ULK4: variants seen among roughly 807,000 people sequenced by gnomAD.
ULK4 encodes the protein inactive serine/threonine-protein kinase ULK4.
In ULK4, 133 loss-of-function variants were observed where a neutral mutation model predicts 160.6. The observed-to-expected ratio is 0.83, with a 90% CI of 0.72 to 0.96. The LOEUF is 0.96. Ranked by LOEUF, ULK4 falls within the 40% of genes least tolerant of loss-of-function variation. The probability of loss-of-function intolerance (pLI) is 0.00; values close to 1 mark genes in which losing one functional copy is unlikely to be tolerated. For missense variants in ULK4, 1,580 were observed against 1,499.5 expected (o/e 1.05, Z -0.89); for synonymous variants, 534 against 539.8 (o/e 0.99, Z 0.15).
intron 35 of ULK4, among the ~76,000 whole-genome samples, chr3:41,253,226 G>A (rs1230084470): frequency 6.6e-6 from 1 of 151,972 alleles, no homozygotes; most frequent in East Asian, 1.9e-4. Flanking sequence ...TGAAGGAAGA[G>A]CAATAAAAAT....
intron 32 of ULK4, among the ~76,000 whole-genome samples, chr3:41,533,456 AC>A (rs2086391884): frequency 1.3e-5 from 2 of 152,254 alleles, no homozygotes; most frequent in Admixed American, 6.5e-5. Context: ...CAATTTAATA[AC>A]TAAATTTTAT....
At chr3:41,288,654 T>G (rs1039678915) in intron 35 of ULK4, among the ~76,000 whole-genome samples, 1 of 152,222 alleles carries the variant, frequency 6.6e-6, no homozygotes, top group South Asian at 2.1e-4. Flanking sequence ...TTATATTTAC[T>G]CACTGATCAA....
intron 22 of ULK4, among the ~76,000 whole-genome samples, chr3:41,731,665 C>T (rs1234793999): frequency 7.3e-6 from 1 of 136,670 alleles, no homozygotes; most frequent in Non-Finnish European, 1.5e-5. Context: ...AGAGCCAAAT[C>T]AATTTTGGGG....
chr3:41,863,270 T>C (rs1292044058), intron 17 of ULK4, among the ~76,000 whole-genome samples: 1 of 152,146 alleles, frequency 6.6e-6, no homozygotes, highest in Non-Finnish European at 1.5e-5. Flanking sequence ...CCACTGATGT[T>C]CCCTTAAGGC....
chr3:41,727,016 C>T (rs187642065), intron 22 of ULK4, among the ~76,000 whole-genome samples: 15 of 152,206 alleles, frequency 9.9e-5, no homozygotes, highest in Admixed American at 3.3e-4. Flanking sequence ...ACTCAAACCC[C>T]TGCATTTCTC....
intron 34 of ULK4, among the ~76,000 whole-genome samples, chr3:41,400,381 T>G (rs1295252173): frequency 6.6e-6 from 1 of 152,124 alleles, no homozygotes; most frequent in East Asian, 1.9e-4. Context: ...CCCTAACCCC[T>G]GGTGACCACA....
At chr3:41,398,465 C>T (rs751021467) in intron 34 of ULK4, among the ~76,000 whole-genome samples, 2 of 151,244 alleles carry the variant, frequency 1.3e-5, no homozygotes, top group Non-Finnish European at 2.9e-5. Flanking sequence ...CTCACTGCAG[C>T]CTCAACCTCC....
chr3:41,375,327 C>T (rs896479193), intron 35 of ULK4, among the ~76,000 whole-genome samples: 1 of 151,860 alleles, frequency 6.6e-6, no homozygotes, highest in Non-Finnish European at 1.5e-5. Flanking sequence ...ATAGCCAAGA[C>T]AATCCTAAGC....
intron 22 of ULK4, among the ~76,000 whole-genome samples, chr3:41,721,356 ATATATATTT>A (rs1276972789): frequency 6.5e-5 from 4 of 61,624 alleles, no homozygotes; most frequent in Admixed American, 2.3e-4. Context: ...ATATATATAT[ATATATATTT>A]TTTTTTTTTT....
intron 32 of ULK4, among the ~76,000 whole-genome samples, chr3:41,464,918 A>G (rs2083788941): frequency 6.6e-6 from 1 of 152,206 alleles, no homozygotes; most frequent in Admixed American, 6.5e-5. Context: ...TCTTCAAGGA[A>G]GGAGTGCAAA....
chr3:41,674,036 A>G (rs6792116), intron 29 of ULK4, among the ~76,000 whole-genome samples: 3,472 of 152,308 alleles, frequency 0.023, 119 homozygotes, highest in African/African-American at 0.073. Flanking sequence ...AATTTTAAAA[A>G]GAAAAAAGAG....
intron 32 of ULK4, among the ~76,000 whole-genome samples, chr3:41,502,812 G>A (rs1391343433): frequency 2.6e-5 from 4 of 152,078 alleles, no homozygotes; most frequent in African/African-American, 9.7e-5. Context: ...TCACTTCAAG[G>A]GACACAAGGA....
intron 22 of ULK4, among the ~76,000 whole-genome samples, chr3:41,751,178 A>G (rs2038616732): frequency 6.6e-6 from 1 of 152,094 alleles, no homozygotes; most frequent in South Asian, 2.1e-4. Context: ...GTGGCAAAGA[A>G]GCAGGTATTA....
intron 18 of ULK4, among the ~76,000 whole-genome samples, chr3:41,829,641 AAAC>A (rs1373363322): frequency 2.1e-4 from 32 of 152,154 alleles, no homozygotes; most frequent in Admixed American, 2.1e-3. Context: ...AAAGTGAGGA[AAAC>A]AACAGGTGCT....
intron 35 of ULK4, among the ~76,000 whole-genome samples, chr3:41,327,303 G>GGCCT (rs34550560): frequency 0.022 from 3,311 of 152,136 alleles, 79 homozygotes; most frequent in African/African-American, 0.068. Context: ...CCAAATCCCT[G>GGCCT]GCCTTTTAAT....
intron 22 of ULK4, among the ~76,000 whole-genome samples, chr3:41,751,338 T>C (rs1468070071): frequency 6.6e-6 from 1 of 152,176 alleles, no homozygotes; most frequent in Non-Finnish European, 1.5e-5. Flanking sequence ...AGAAAGCATC[T>C]GCATTTTAGA....
chr3:41,522,343 T>C (rs2085960891), intron 32 of ULK4, among the ~76,000 whole-genome samples: 2 of 152,098 alleles, frequency 1.3e-5, no homozygotes, highest in Admixed American at 6.5e-5. Flanking sequence ...TTTCACCATG[T>C]TGGCCAGGCT....
At chr3:41,882,019 A>AT in intron 17 of ULK4, 1 of 397,266 alleles carries the variant, frequency 2.5e-6, no homozygotes, top group Non-Finnish European at 4.6e-6. Flanking sequence ...TACCAGTAGA[A>AT]TGAGGCCATC....
intron 17 of ULK4, among the ~76,000 whole-genome samples, chr3:41,837,158 T>C (rs923451739): frequency 6.6e-6 from 1 of 152,246 alleles, no homozygotes; most frequent in Non-Finnish European, 1.5e-5. Context: ...AAGTTGGAGA[T>C]GCAGGTGGGA....
Sources: gnomAD v4.1 joint callset for allele counts (sites outside exome capture counted in the v4.1 genomes callset) on GRCh38, gnomAD v4.1.1 for gene constraint, MANE v1.5 for transcripts, NCBI Gene and HGNC (gene_info 2026-07-23, HGNC 2026-07-21) for gene names.